The following MOB1B variants were observed in gnomAD, a reference collection of about 807,000 sequenced individuals.
MOB1B encodes the protein MOB1 Mps One Binder homolog B.
MOB1B carries 19 observed loss-of-function variants against 24.4 expected under a neutral mutation model. The observed-to-expected ratio is 0.78, with a 90% confidence interval of 0.54 to 1.14. MOB1B has a LOEUF of 1.14. MOB1B is among the 50% of genes most tolerant of loss of function. MOB1B has a pLI of 0.00. For synonymous variants in MOB1B, 76 were observed against 82.1 expected (o/e 0.93, Z 0.40); for missense variants, 243 against 259.6 (o/e 0.94, Z 0.44).
At chr4:70,962,788 C>T (rs1488605501) in intron 2 of MOB1B, among the ~76,000 whole-genome samples, 2 of 152,092 alleles carry the variant, frequency 1.3e-5, no homozygotes, top group Non-Finnish European at 2.9e-5. Context: ...CACTTGAGCT[C>T]AGGAGTTCAA....
intron 1 of MOB1B, chr4:70,950,609 A>G (rs1458638190): frequency 1.2e-5 from 7 of 563,336 alleles, no homozygotes; most frequent in Non-Finnish European, 1.8e-5. Flanking sequence ...TACTAGGATT[A>G]AATGAGATAT....
intron 1 of MOB1B, among the ~76,000 whole-genome samples, chr4:70,903,763 G>A (rs949344856): frequency 6.6e-6 from 1 of 151,316 alleles, no homozygotes; most frequent in South Asian, 2.1e-4. Flanking sequence ...GGGTGTTTAA[G>A]CAAAACTGAA....
Position 70,969,988 on chromosome 4 carries a change from C to A in MOB1B, c.239C>A (p.Thr80Lys). 2 of 1,605,918 alleles carry A rather than the reference C, an allele frequency of 1.2e-6. No individual in the cohort carries two copies. The highest frequency in any genetic ancestry group is 1.7e-6 in the Non-Finnish European group (2 of 1,175,096). The change falls in exon 3 of 6, where the codon ACA becomes AAA. Residue 80 changes from threonine to lysine, a missense_variant. Transcript: ENST00000309395. ...MLYGTITDFC[T>K]EESCPVMSAG... is the part of the protein sequence containing the mutation. ...TATGGAACTATCACAGACTTCTGTACAGAAGAGAGTTGTCCAGTGATGTCA... is the reference window on the plus strand; with the variant it reads ...TATGGAACTATCACAGACTTCTGTAAAGAAGAGAGTTGTCCAGTGATGTCA...
intron 2 of MOB1B, among the ~76,000 whole-genome samples, chr4:70,967,399 A>G (rs1182981529): frequency 1.3e-5 from 2 of 152,080 alleles, no homozygotes; most frequent in Non-Finnish European, 2.9e-5. Flanking sequence ...CTCCCAAAGT[A>G]CTGGGATTAC....
intron 1 of MOB1B, among the ~76,000 whole-genome samples, chr4:70,915,518 T>C (rs991137602): frequency 6.6e-6 from 1 of 152,192 alleles, no homozygotes; most frequent in Non-Finnish European, 1.5e-5. Context: ...AGGATTCCAT[T>C]AGTTACTTCA....
chr4:70,942,934 T>A, intron 1 of MOB1B: 1 of 505,356 alleles, frequency 2.0e-6, no homozygotes, highest in Non-Finnish European at 2.6e-6. Flanking sequence ...TGTGGCAGTA[T>A]TTCCCTTTAA....
intron 1 of MOB1B, among the ~76,000 whole-genome samples, chr4:70,914,412 T>A (rs780072282): frequency 6.6e-6 from 1 of 152,194 alleles, no homozygotes; most frequent in Non-Finnish European, 1.5e-5. Context: ...AAATATTTTT[T>A]TATCTTACAC....
chr4:70,922,611 A>G (rs927147571), intron 1 of MOB1B, among the ~76,000 whole-genome samples: 6 of 152,352 alleles, frequency 3.9e-5, no homozygotes, highest in Admixed American at 3.9e-4. Flanking sequence ...TAACACTGAC[A>G]TTTAAAAATA....
chr4:70,941,367 A>G (rs1737330402), intron 1 of MOB1B, among the ~76,000 whole-genome samples: 1 of 152,194 alleles, frequency 6.6e-6, no homozygotes, highest in Admixed American at 6.5e-5. Flanking sequence ...TTTGAGACGG[A>G]GTCTCGCTCT....
In MOB1B at chr4:70,942,889, A is replaced by C. The variant is rs1737407578; in HGVS notation, c.15-15985A>C. On this transcript the variant is annotated intron_variant, in intron 1 of 5. Transcript: ENST00000309395. ...AAGAACTGGAGGCAAAGAAGTAAGC[A>C]AAGAAAAAATTATTATATGAATGTT... The C allele has an allele frequency of 4.9e-6, 4 of 811,232 alleles. No individual in the cohort carries two copies. In the South Asian group the frequency reaches 1.7e-4, roughly 34 times the overall value. The allele number at this position is 811,232 out of a possible 1,614,324, so 50.3% of individuals were successfully genotyped here.
At chr4:70,914,379 CTTCCT>C (rs1736115339) in intron 1 of MOB1B, among the ~76,000 whole-genome samples, 1 of 151,982 alleles carries the variant, frequency 6.6e-6, no homozygotes, top group Non-Finnish European at 1.5e-5. Context: ...CATTTGAACA[CTTCCT>C]TACTTCCTGG....
intron 1 of MOB1B, among the ~76,000 whole-genome samples, chr4:70,943,877 AAAAC>A (rs1404891774): frequency 1.3e-5 from 2 of 152,326 alleles, no homozygotes; most frequent in South Asian, 2.1e-4. Flanking sequence ...AAAATAAAAA[AAAAC>A]AAAACATTTC....
intron 1 of MOB1B, among the ~76,000 whole-genome samples, chr4:70,939,632 TC>T (rs1418453032): frequency 6.6e-6 from 1 of 152,190 alleles, no homozygotes; most frequent in Non-Finnish European, 1.5e-5. Context: ...GGTTCCCTTG[TC>T]CCCCTTAAAG....
intron 1 of MOB1B, among the ~76,000 whole-genome samples, chr4:70,933,733 G>A (rs1736975089): frequency 6.6e-6 from 1 of 151,874 alleles, no homozygotes; most frequent in Non-Finnish European, 1.5e-5. Context: ...TGTATTTTTA[G>A]TAGAGATGGG....
At chr4:70,923,677 C>T (rs1164486437) in intron 1 of MOB1B, among the ~76,000 whole-genome samples, 5 of 151,776 alleles carry the variant, frequency 3.3e-5, no homozygotes, top group East Asian at 1.9e-4. Flanking sequence ...GGGCCGGGTG[C>T]GGTGGCTCAA....
In MOB1B at chr4:70,984,433, A is replaced by G. The variant is rs992478503; in HGVS notation, c.*2376A>G. The G allele has an allele frequency of 1.1e-4, 16 of 152,192 alleles. No individual in the cohort carries two copies. Among genetic ancestry groups the G allele is most frequent in the African/African-American group, 3.9e-4 (16 of 41,450 alleles). The allele number at this position is 152,192 out of a possible 1,614,324, so 9.4% of individuals were successfully genotyped here. A position where few individuals can be genotyped will look rare whatever the true frequency, so the allele number is the denominator to read the frequency against. The stretch of plus-strand genomic sequence containing the variant: ...AAGTTAGTAAGATGCCCTTTTAAAT[A>G]TAAGGATCAGTGCTTTGTTCTGCAG... On this transcript the variant is annotated 3_prime_UTR_variant, in exon 6 of 6. Coordinates refer to ENST00000309395, the MANE Select transcript of MOB1B (RefSeq NM_173468.4).
intron 1 of MOB1B, among the ~76,000 whole-genome samples, chr4:70,913,259 GGTAT>G (rs58774039): frequency 0.097 from 14,506 of 149,926 alleles, 934 homozygotes; most frequent in African/African-American, 0.17. Context: ...CGTTTGTATG[GGTAT>G]GTATGTATGT....
chr4:70,979,998 ATTG>A (rs1337681600), intron 5 of MOB1B, among the ~76,000 whole-genome samples: 46 of 152,298 alleles, frequency 3.0e-4, no homozygotes, highest in African/African-American at 1.1e-3. Flanking sequence ...TGTTGCTATT[ATTG>A]TTGTTGGAGG....
intron 1 of MOB1B, among the ~76,000 whole-genome samples, chr4:70,920,586 T>C (rs1229996912): frequency 6.6e-6 from 1 of 152,194 alleles, no homozygotes; most frequent in African/African-American, 2.4e-5. Flanking sequence ...ACTTTTACTT[T>C]ATATTTAACT....
Sources: gnomAD v4.1 joint callset for allele counts (sites outside exome capture counted in the v4.1 genomes callset) on GRCh38, gnomAD v4.1.1 for gene constraint, MANE v1.5 for transcripts, NCBI Gene and HGNC (gene_info 2026-07-23, HGNC 2026-07-21) for gene names.